The following SLC22A24 variants were observed in gnomAD, a reference collection of about 807,000 sequenced individuals.
SLC22A24 encodes steroid transmembrane transporter SLC22A24.
Under a neutral mutation model 49.8 loss-of-function variants are expected in SLC22A24, and 53 were observed. The observed-to-expected ratio is 1.06, with a 90% confidence interval of 0.85 to 1.34. The LOEUF (loss-of-function observed/expected upper bound fraction) is 1.34. SLC22A24 is among the 40% of genes most tolerant of loss of function. The pLI, the probability that SLC22A24 is intolerant of heterozygous loss-of-function variation, is 0.00. For missense variants in SLC22A24, 786 were observed against 675.9 expected (o/e 1.16, Z -1.81); for synonymous variants, 302 against 256.4 (o/e 1.18, Z -1.70).
intron 5 of SLC22A24, among the ~76,000 whole-genome samples, chr11:63,097,965 T>A (rs182555117): frequency 1.1e-4 from 16 of 152,268 alleles, no homozygotes; most frequent in African/African-American, 3.6e-4. Flanking sequence ...AAATACCTAA[T>A]GCATGTGAAG....
chr11:63,137,565 C>T (rs145570316), intron 1 of SLC22A24, among the ~76,000 whole-genome samples: 1 of 152,252 alleles, frequency 6.6e-6, no homozygotes, highest in Non-Finnish European at 1.5e-5. Flanking sequence ...GCAACAGGGA[C>T]CAACAGGAAA....
intron 2 of SLC22A24, among the ~76,000 whole-genome samples, chr11:63,133,279 G>A (rs993715380): frequency 1.2e-4 from 19 of 152,124 alleles, no homozygotes; most frequent in Admixed American, 2.6e-4. Flanking sequence ...TGGGTGAGGC[G>A]GCACCCCACC....
chr11:63,119,096 T>C lies in SLC22A24; in HGVS notation c.662-16A>G, dbSNP rs972388848. On this transcript the variant is annotated splice_polypyrimidine_tract_variant and intron_variant, in intron 3 of 9. Coordinates refer to ENST00000612278, the MANE Select transcript of SLC22A24 (RefSeq NM_001136506.2). ...CACTCTAAGCCTGGAAGAAAACATA[T>C]ACATAGTAATAATTTTAGACAAATG... 6 of 1,536,294 alleles carry C rather than the reference T, an allele frequency of 3.9e-6. No individual in the cohort carries two copies. Among genetic ancestry groups the C allele is most frequent in the Admixed American group, 2.0e-5 (1 of 49,294 alleles).
At chr11:63,134,823 G>A in intron 1 of SLC22A24, 55 bp from the exon 2 acceptor site, 1 of 1,265,460 alleles carries the variant, frequency 7.9e-7, no homozygotes, top group East Asian at 2.5e-5. Flanking sequence ...CAACTCTTTA[G>A]TAGAAACTGA....
intron 2 of SLC22A24, among the ~76,000 whole-genome samples, chr11:63,133,924 C>T (rs959407825): frequency 2.6e-5 from 4 of 152,282 alleles, no homozygotes; most frequent in South Asian, 4.1e-4. Context: ...GTATTATGGG[C>T]GTGAGCCACC....
At position 63,113,163 on chromosome 11, in the gene SLC22A24, T is replaced by C. The variant is rs867470461; in HGVS notation, c.830+5749A>G. ...ACACATATATATATACATATATATA[T>C]ACACATATATATACATATATATATA... On this transcript the variant is annotated intron_variant, in intron 4 of 9. Coordinates refer to ENST00000612278, the MANE Select transcript of SLC22A24 (RefSeq NM_001136506.2). 4.3e-3 allele frequency among the ~76,000 whole-genome samples: 17 copies of C among 3,974 alleles called. 3 individuals carry two copies. Among genetic ancestry groups the C allele is most frequent in the Non-Finnish European group, 5.4e-3 (2 of 372 alleles). 2.6% of individuals were successfully genotyped at this position (3,974 alleles called of 152,430 possible).
At position 63,087,024 on chromosome 11, in the gene SLC22A24, G is replaced by GCGCGCACACACACA. The variant is rs376936925; in HGVS notation, c.1071-3568_1071-3567insTGTGTGTGTGCGCG. On this transcript the variant is annotated intron_variant, in intron 6 of 9. Transcript: ENST00000612278. ...AATTAAGCTTTTCTGCCTGGAGGGC[G>GCGCGCACACACACA]CACACACACACACACACACACACAC... 9.6e-3 allele frequency among the ~76,000 whole-genome samples: 1,272 copies of GCGCGCACACACACA among 132,620 alleles called. 16 individuals carry two copies. Among genetic ancestry groups the GCGCGCACACACACA allele is most frequent in the East Asian group, 0.056 (251 of 4,446 alleles). 87.0% of individuals were successfully genotyped at this position (132,620 alleles called of 152,430 possible).
chr11:63,127,137 C>A (rs1190027143), intron 2 of SLC22A24, among the ~76,000 whole-genome samples: 1 of 152,148 alleles, frequency 6.6e-6, no homozygotes, highest in Non-Finnish European at 1.5e-5. Flanking sequence ...CAGCCCCCCA[C>A]TCCCTGACAG....
intron 1 of SLC22A24, among the ~76,000 whole-genome samples, chr11:63,137,108 T>C (rs2087380781): frequency 1.3e-5 from 2 of 152,104 alleles, no homozygotes; most frequent in African/African-American, 4.8e-5. Context: ...AGGGTGTCTG[T>C]GTCTGTAGCT....
At chr11:63,100,890 C>A (rs1288494865) in intron 5 of SLC22A24, among the ~76,000 whole-genome samples, 1 of 152,016 alleles carries the variant, frequency 6.6e-6, no homozygotes, top group East Asian at 1.9e-4. Flanking sequence ...TATAAAAAAT[C>A]AAATCAAAAT....
rs1590754771 is a variant in SLC22A24, at chr11:63,143,444, G to C, written c.336C>G (p.Asp112Glu). 2 of 1,577,054 alleles carry C rather than the reference G, an allele frequency of 1.3e-6. No individual in the cohort carries two copies. Among genetic ancestry groups the C allele is most frequent in the Non-Finnish European group, 8.6e-7 (1 of 1,163,326 alleles). Residue 112 changes from aspartate to glutamate, a missense_variant, in exon 1 of 10, where the codon GAC (aspartate) becomes GAG (glutamate). Asp to Glu is a conservative substitution (Grantham distance 45). Transcript: ENST00000612278. ...CCCAGCCATCCACACAGGGCTCCGT[G>C]TCTGGCTCATTTGTGTTGGGGAAGG... is the stretch of plus-strand genomic sequence containing the variant. ...NGTFPNTNEPDTEPCVDGWVY... is the reference protein window; with the variant it reads ...NGTFPNTNEPETEPCVDGWVY...
intron 4 of SLC22A24, among the ~76,000 whole-genome samples, chr11:63,105,633 C>T (rs2087116124): frequency 6.6e-6 from 1 of 152,072 alleles, no homozygotes; most frequent in African/African-American, 2.4e-5. Context: ...GGACACCTGC[C>T]CCTAGGATGC....
At position 63,086,554 on chromosome 11, in the gene SLC22A24, T is replaced by G. The variant is rs1230212462; in HGVS notation, c.1071-3097A>C. Among the ~76,000 whole-genome samples, 3 of 152,066 alleles carry G rather than the reference T, an allele frequency of 2.0e-5. 1 individual carries two copies. The highest frequency in any genetic ancestry group is 3.9e-4 in the East Asian group (2 of 5,192). The stretch of plus-strand genomic sequence containing the variant: ...TACAACAAACCTCTGTGAAATGAGT[T>G]TACCTATATAACAAGCCTGCTCATG... On this transcript the variant is annotated intron_variant, in intron 6 of 9. Transcript: ENST00000612278.
At position 63,081,593 on chromosome 11, in the gene SLC22A24, A is replaced by G. The variant is rs186516774; in HGVS notation, c.1359T>C (p.Ser453=). Residue 453 remains serine (S), a synonymous_variant, in exon 8 of 10, where the codon TCT becomes TCC. Coordinates refer to ENST00000612278, the MANE Select transcript of SLC22A24 (RefSeq NM_001136506.2). Reference sequence around the variant, plus strand: ...TGGGGACGAGCTCGTTGTGGTGGACAGAAGCACTGTTGCTAGCAGCAGAAA... The same window carrying G: ...TGGGGACGAGCTCGTTGTGGTGGACGGAAGCACTGTTGCTAGCAGCAGAAA... ...GSVSAASNSA[S]VHHNELVPTI... The G allele has an allele frequency of 1.2e-5, 18 of 1,551,614 alleles. No homozygotes were observed. The highest frequency in any genetic ancestry group is 1.7e-6 in the Non-Finnish European group (2 of 1,146,896).
At chr11:63,087,400 A>G (rs2086993972) in intron 6 of SLC22A24, among the ~76,000 whole-genome samples, 1 of 152,114 alleles carries the variant, frequency 6.6e-6, no homozygotes, top group Non-Finnish European at 1.5e-5. Context: ...GGGTTACTAC[A>G]CTTTTCCTAC....
chr11:63,127,498 A>G (rs144093408), intron 2 of SLC22A24, among the ~76,000 whole-genome samples: 2,337 of 152,294 alleles, frequency 0.015, 27 homozygotes, highest in Middle Eastern at 0.048. Flanking sequence ...ATACCCAGGA[A>G]TGTGATTGCT....
intron 4 of SLC22A24, 85 bp downstream of exon 4, chr11:63,118,827 C>A (rs183423935): frequency 2.8e-6 from 4 of 1,418,530 alleles, no homozygotes; most frequent in Non-Finnish European, 3.9e-6. Context: ...GGCCAGAGAC[C>A]GAACAGATCC....
At chr11:63,112,674 C>G (rs995561348) in intron 4 of SLC22A24, among the ~76,000 whole-genome samples, 2 of 152,030 alleles carry the variant, frequency 1.3e-5, no homozygotes, top group Non-Finnish European at 2.9e-5. Context: ...TTTGTTTGCT[C>G]TTGCTTCTCT....
intron 2 of SLC22A24, among the ~76,000 whole-genome samples, chr11:63,126,128 T>C (rs2087288858): frequency 6.6e-6 from 1 of 152,202 alleles, no homozygotes; most frequent in Non-Finnish European, 1.5e-5. Context: ...ACTCTAATGG[T>C]AGTTTCTTTT....
Sources: gnomAD v4.1 joint callset for allele counts (sites outside exome capture counted in the v4.1 genomes callset) on GRCh38, gnomAD v4.1.1 for gene constraint, MANE v1.5 for transcripts, NCBI Gene and HGNC (gene_info 2026-07-23, HGNC 2026-07-21) for gene names.